Variants in GRID1 observed in about 807,000 individuals in gnomAD.
GRID1 encodes glutamate ionotropic receptor delta type subunit 1.
Under a neutral mutation model 98.0 loss-of-function variants are expected in GRID1, and 28 were observed. The ratio of observed to expected loss-of-function variants is 0.29; its 90% CI spans 0.21 to 0.39. The LOEUF is 0.39. Among genes scored for constraint, GRID1 ranks in the 10% least tolerant of loss-of-function variants. The probability of loss-of-function intolerance (pLI) is 1.00; values close to 1 mark genes in which losing one functional copy is unlikely to be tolerated. For synonymous variants in GRID1, 553 were observed against 538.5 expected (o/e 1.03, Z -0.37); for missense variants, 1,111 against 1,340.5 (o/e 0.83, Z 2.67).
intron 2 of GRID1, among the ~76,000 whole-genome samples, chr10:86,224,331 C>T (rs1318868774): frequency 6.6e-6 from 1 of 152,208 alleles, no homozygotes; most frequent in Admixed American, 6.5e-5. Flanking sequence ...CTCCTCCTCC[C>T]CCAGTACATT....
intron 12 of GRID1, among the ~76,000 whole-genome samples, chr10:85,713,319 T>G (rs1426933931): frequency 6.6e-6 from 1 of 151,782 alleles, no homozygotes; most frequent in Non-Finnish European, 1.5e-5. Context: ...ATGGATAAAT[T>G]TCTAGAAACG....
intron 2 of GRID1, among the ~76,000 whole-genome samples, chr10:86,319,342 G>A (rs1847938390): frequency 6.6e-6 from 1 of 152,216 alleles, no homozygotes; most frequent in South Asian, 2.1e-4. Context: ...CCAGCCTGAA[G>A]TGCTAGCTTC....
intron 12 of GRID1, among the ~76,000 whole-genome samples, chr10:85,714,738 T>C (rs893758638): frequency 8.6e-5 from 13 of 152,010 alleles, no homozygotes; most frequent in African/African-American, 2.9e-4. Context: ...GTGAAAAAAC[T>C]GAAGAAGACA....
At chr10:86,019,043 C>T (rs1012218399) in intron 4 of GRID1, among the ~76,000 whole-genome samples, 1 of 152,180 alleles carries the variant, frequency 6.6e-6, no homozygotes, top group Non-Finnish European at 1.5e-5. Context: ...TGCTTACAAC[C>T]CAGGACCCAG....
chr10:85,868,609 T>C (rs1461174983), intron 6 of GRID1, among the ~76,000 whole-genome samples: 1 of 152,168 alleles, frequency 6.6e-6, no homozygotes, highest in Non-Finnish European at 1.5e-5. Flanking sequence ...CATCTTGCTT[T>C]GCAAGGGTCG....
chr10:86,288,639 C>G (rs886614380), intron 2 of GRID1, among the ~76,000 whole-genome samples: 10 of 152,226 alleles, frequency 6.6e-5, no homozygotes, highest in African/African-American at 2.2e-4. Context: ...GGAGCCTCCT[C>G]AAAGCAGCAC....
intron 12 of GRID1, among the ~76,000 whole-genome samples, chr10:85,653,228 A>G (rs1382109847): frequency 1.3e-5 from 2 of 152,366 alleles, no homozygotes; most frequent in South Asian, 2.1e-4. Flanking sequence ...CCCTGCTGCT[A>G]TGTAACAAGT....
intron 4 of GRID1, among the ~76,000 whole-genome samples, chr10:85,965,601 A>G (rs1842326308): frequency 6.6e-6 from 1 of 152,116 alleles, no homozygotes; most frequent in African/African-American, 2.4e-5. Flanking sequence ...ACACATGGAC[A>G]TAGGGAGAGG....
intron 2 of GRID1, among the ~76,000 whole-genome samples, chr10:86,328,009 G>A (rs201293633): frequency 4.7e-5 from 2 of 42,600 alleles, no homozygotes; most frequent in Admixed American, 4.1e-4. Context: ...TATCTATTAA[G>A]GGGGGGTATC....
chr10:85,930,902 T>C (rs143907963), intron 4 of GRID1, among the ~76,000 whole-genome samples: 1 of 152,220 alleles, frequency 6.6e-6, no homozygotes, highest in Non-Finnish European at 1.5e-5. Flanking sequence ...AGTGCAGTGG[T>C]GCGATCATGA....
intron 4 of GRID1, among the ~76,000 whole-genome samples, chr10:85,981,837 A>G (rs1247702716): frequency 6.6e-6 from 1 of 152,222 alleles, no homozygotes; most frequent in Admixed American, 6.5e-5. Context: ...AACATATGAA[A>G]CAATGTCAAG....
chr10:85,742,106 C>T (rs367990790), intron 8 of GRID1, among the ~76,000 whole-genome samples: 6 of 152,158 alleles, frequency 3.9e-5, no homozygotes, highest in Non-Finnish European at 7.3e-5. Flanking sequence ...GCACCTTCCA[C>T]GATAGGGAGG....
chr10:86,197,060 G>C (rs1266947264), intron 3 of GRID1, among the ~76,000 whole-genome samples: 2 of 152,030 alleles, frequency 1.3e-5, no homozygotes, highest in Non-Finnish European at 2.9e-5. Flanking sequence ...AAAACTGCCT[G>C]TCTGCATGGA....
At chr10:85,648,657 T>A (rs1375020918) in intron 12 of GRID1, among the ~76,000 whole-genome samples, 1 of 151,914 alleles carries the variant, frequency 6.6e-6, no homozygotes, top group Non-Finnish European at 1.5e-5. Context: ...TCCCACACAC[T>A]CCCCATCCAT....
At chr10:85,767,797 G>A (rs770668239) in intron 8 of GRID1, among the ~76,000 whole-genome samples, 8 of 152,240 alleles carry the variant, frequency 5.3e-5, no homozygotes, top group East Asian at 3.9e-4. Flanking sequence ...CACCCATCCC[G>A]TCCTGATGCA....
intron 4 of GRID1, among the ~76,000 whole-genome samples, chr10:86,080,784 G>A (rs866469812): frequency 6.6e-6 from 1 of 152,126 alleles, no homozygotes; most frequent in Non-Finnish European, 1.5e-5. Flanking sequence ...CCACACAGAC[G>A]ACTGGAGCTT....
intron 8 of GRID1, among the ~76,000 whole-genome samples, chr10:85,788,165 A>G (rs1842447321): frequency 6.6e-6 from 1 of 151,854 alleles, no homozygotes; most frequent in Admixed American, 6.6e-5. Flanking sequence ...AATGAGGGGG[A>G]AAAAAAATCA....
rs1338274458 is a variant in GRID1 at position 86,158,804 on chromosome 10, C to T, written c.521-19780G>A. On this transcript the variant is annotated intron_variant, in intron 3 of 15. Transcript: ENST00000327946. ...ACAGGGGGCTTCTGAGCATTTGAAA[C>T]GAGGTGGAATCAACTGAGATCGGCT... Among the ~76,000 whole-genome samples, 6 of 152,284 alleles carry T rather than the reference C, an allele frequency of 3.9e-5. No homozygotes were observed. In the East Asian group the frequency reaches 5.8e-4, roughly 15 times the overall value.
chr10:85,850,315 C>A (rs1024268483), intron 8 of GRID1, among the ~76,000 whole-genome samples: 2 of 152,224 alleles, frequency 1.3e-5, no homozygotes, highest in African/African-American at 4.8e-5. Context: ...CCTATCCAGG[C>A]AAGTCATGCT....
Sources: gnomAD v4.1 joint callset for allele counts (sites outside exome capture counted in the v4.1 genomes callset) on GRCh38, gnomAD v4.1.1 for gene constraint, MANE v1.5 for transcripts, NCBI Gene and HGNC (gene_info 2026-07-23, HGNC 2026-07-21) for gene names.